The following NPAS3 variants were observed in gnomAD, a reference collection of about 807,000 sequenced individuals.
NPAS3 encodes the protein neuronal PAS domain-containing protein 3.
A neutral mutation model predicts 73.1 loss-of-function variants in NPAS3; 14 were observed. That is an observed-to-expected ratio of 0.19 (90% CI 0.13 to 0.30). The LOEUF (loss-of-function observed/expected upper bound fraction) is 0.30. Among genes scored for constraint, NPAS3 ranks in the 10% least tolerant of loss-of-function variants. NPAS3 has a pLI of 1.00. For synonymous variants in NPAS3, 620 were observed against 541.5 expected (o/e 1.14, Z -2.01); for missense variants, 1,096 against 1,250.0 (o/e 0.88, Z 1.86).
intron 9 of NPAS3, among the ~76,000 whole-genome samples, chr14:33,787,117 A>T (rs1053965332): frequency 6.6e-6 from 1 of 152,138 alleles, no homozygotes; most frequent in African/African-American, 2.4e-5. Context: ...TTGAGAAGGG[A>T]ATGAATGAGT....
intron 4 of NPAS3, among the ~76,000 whole-genome samples, chr14:33,478,076 G>C (rs746015690): frequency 2.0e-5 from 3 of 152,194 alleles, no homozygotes; most frequent in African/African-American, 4.8e-5. Context: ...CCTCTGGGTA[G>C]AGGCAGAGCC....
At chr14:33,566,905 G>T (rs1455711497) in intron 5 of NPAS3, among the ~76,000 whole-genome samples, 1 of 152,184 alleles carries the variant, frequency 6.6e-6, no homozygotes, top group African/African-American at 2.4e-5. Context: ...TGTCACCTGT[G>T]CTATTTGGCT....
intron 1 of NPAS3, among the ~76,000 whole-genome samples, chr14:32,977,995 C>G (rs899913586): frequency 6.6e-6 from 1 of 152,106 alleles, no homozygotes; most frequent in Non-Finnish European, 1.5e-5. Flanking sequence ...ATTGATTGAG[C>G]CTACATGTGC....
chr14:33,254,322 G>A (rs2048698720), intron 3 of NPAS3, among the ~76,000 whole-genome samples: 2 of 152,052 alleles, frequency 1.3e-5, no homozygotes, highest in Admixed American at 1.3e-4. Context: ...GAAGTTCAAA[G>A]AGAATGCTAC....
At chr14:33,464,864 G>T (rs1359681963) in intron 4 of NPAS3, among the ~76,000 whole-genome samples, 1 of 152,164 alleles carries the variant, frequency 6.6e-6, no homozygotes, top group East Asian at 1.9e-4. Flanking sequence ...AGCTTCTGCA[G>T]TTGCCTGGAC....
At chr14:33,134,475 G>T (rs1042871695) in intron 2 of NPAS3, among the ~76,000 whole-genome samples, 2 of 152,008 alleles carry the variant, frequency 1.3e-5, no homozygotes, top group South Asian at 2.1e-4. Context: ...TATCTAAATG[G>T]TTTTTTCACG....
intron 3 of NPAS3, among the ~76,000 whole-genome samples, chr14:33,274,399 C>A (rs778652795): frequency 6.6e-6 from 1 of 152,162 alleles, no homozygotes; most frequent in Non-Finnish European, 1.5e-5. Context: ...CCTGTATCTC[C>A]TTTCCTATTA....
At chr14:33,343,913 C>A (rs2044609286) in intron 3 of NPAS3, among the ~76,000 whole-genome samples, 1 of 152,144 alleles carries the variant, frequency 6.6e-6, no homozygotes, top group African/African-American at 2.4e-5. Flanking sequence ...TCGCCTCGTG[C>A]AAATATTTCT....
intron 4 of NPAS3, among the ~76,000 whole-genome samples, chr14:33,501,338 A>C (rs902196220): frequency 2.6e-5 from 4 of 151,958 alleles, no homozygotes; most frequent in Non-Finnish European, 5.9e-5. Flanking sequence ...TGCATAATCT[A>C]TAAATAGTTT....
chr14:33,792,618 G>A (rs1304721655), intron 9 of NPAS3, among the ~76,000 whole-genome samples: 1 of 150,754 alleles, frequency 6.6e-6, no homozygotes, highest in South Asian at 2.1e-4. Context: ...TGTACTTCAT[G>A]AAACTGTTGT....
intron 3 of NPAS3, among the ~76,000 whole-genome samples, chr14:33,296,413 G>C (rs2042301748): frequency 6.6e-6 from 1 of 152,156 alleles, no homozygotes; most frequent in Admixed American, 6.5e-5. Context: ...TCTTTTGTAA[G>C]TTCAGATTCT....
intron 2 of NPAS3, among the ~76,000 whole-genome samples, chr14:33,091,972 C>CA (rs1354996502): frequency 6.6e-6 from 1 of 152,168 alleles, no homozygotes; most frequent in Non-Finnish European, 1.5e-5. Flanking sequence ...GGATGTATCT[C>CA]AAAATAATAA....
At chr14:32,979,949 T>G (rs1234229260) in intron 1 of NPAS3, among the ~76,000 whole-genome samples, 1 of 152,176 alleles carries the variant, frequency 6.6e-6, no homozygotes, top group African/African-American at 2.4e-5. Context: ...ATTATGTCAA[T>G]TGACTTGTCA....
chr14:33,679,167 G>T (rs964586379), intron 6 of NPAS3, among the ~76,000 whole-genome samples: 2 of 152,192 alleles, frequency 1.3e-5, no homozygotes, highest in South Asian at 2.1e-4. Context: ...AGCTACACTC[G>T]CATAAGAAGA....
intron 5 of NPAS3, among the ~76,000 whole-genome samples, chr14:33,625,491 C>T (rs1426782713): frequency 1.3e-5 from 2 of 152,164 alleles, no homozygotes; most frequent in Admixed American, 1.3e-4. Context: ...CACAGAGGTA[C>T]TTTAATGAAA....
At chr14:33,444,801 A>G (rs1015908280) in intron 4 of NPAS3, among the ~76,000 whole-genome samples, 1 of 152,216 alleles carries the variant, frequency 6.6e-6, no homozygotes, top group Non-Finnish European at 1.5e-5. Flanking sequence ...TTTTCCTTCT[A>G]AAAGTTGAAA....
intron 4 of NPAS3, among the ~76,000 whole-genome samples, chr14:33,389,222 G>A (rs1055379852): frequency 6.6e-6 from 1 of 152,198 alleles, no homozygotes; most frequent in Non-Finnish European, 1.5e-5. Flanking sequence ...ACAAGTGTTA[G>A]CCATTTGGAA....
chr14:33,758,566 A>G (rs1185521755), intron 7 of NPAS3, among the ~76,000 whole-genome samples: 3 of 152,250 alleles, frequency 2.0e-5, no homozygotes, highest in South Asian at 2.1e-4. Context: ...GAAGAAGGCT[A>G]TGAGCTTAAT....
chr14:33,396,003 C>T (rs1288815308), intron 4 of NPAS3, among the ~76,000 whole-genome samples: 1 of 152,068 alleles, frequency 6.6e-6, no homozygotes, highest in African/African-American at 2.4e-5. Flanking sequence ...AGTGGCTTTG[C>T]CCCCATTCCC....
Sources: gnomAD v4.1 joint callset for allele counts (sites outside exome capture counted in the v4.1 genomes callset) on GRCh38, gnomAD v4.1.1 for gene constraint, MANE v1.5 for transcripts, NCBI Gene and HGNC (gene_info 2026-07-23, HGNC 2026-07-21) for gene names.